Variants in CDKN2B-AS1 observed in about 807,000 individuals in gnomAD.
The protein encoded by CDKN2B-AS1 is CDKN2B antisense RNA 1 (non-protein coding).
chr9:22,127,656 GC>G (rs1818037751), exon 5 of CDKN2B-AS1, among the ~76,000 whole-genome samples: 1 of 152,132 alleles, frequency 6.6e-6, no homozygotes. Context: ...TAAAAGGAAG[GC>G]AGGGATGAGA....
intron 4 of CDKN2B-AS1, among the ~76,000 whole-genome samples, chr9:22,058,083 AC>A (rs1823648642): frequency 1.3e-5 from 2 of 150,380 alleles, no homozygotes; most frequent in South Asian, 4.3e-4. Flanking sequence ...AATCCCAGCT[AC>A]TGGGGAGGCT....
At chr9:22,125,436 C>T (rs907030256) in intron 4 of CDKN2B-AS1, among the ~76,000 whole-genome samples, 9 of 152,184 alleles carry the variant, frequency 5.9e-5, no homozygotes, top group African/African-American at 2.2e-4. Flanking sequence ...CTTAGGCTAT[C>T]ATTTCATTCC....
At chr9:22,096,323 A>T (rs1308030013) in intron 4 of CDKN2B-AS1, 1 of 152,200 alleles carries the variant, frequency 6.6e-6, no homozygotes, top group Non-Finnish European at 1.5e-5. Flanking sequence ...GATGAATGAG[A>T]TTGGACACCA....
intron 4 of CDKN2B-AS1, among the ~76,000 whole-genome samples, chr9:22,123,633 G>C (rs1397354215): frequency 6.6e-6 from 1 of 151,470 alleles, no homozygotes. Flanking sequence ...TGAATGAGAA[G>C]ATGGATTAAA....
chr9:22,068,267 A>G (rs1824144516), intron 4 of CDKN2B-AS1, among the ~76,000 whole-genome samples: 1 of 152,236 alleles, frequency 6.6e-6, no homozygotes, highest in Admixed American at 6.5e-5. Context: ...CTGGACCTCA[A>G]GGACTTTACA....
intron 1 of CDKN2B-AS1, chr9:22,012,155 A>G (rs1303049244): frequency 8.6e-6 from 11 of 1,282,198 alleles, no homozygotes; most frequent in Non-Finnish European, 1.2e-5. Context: ...AGACACAGAG[A>G]TGCAGATCTT....
At chr9:22,118,741 G>T (rs1826023470) in intron 4 of CDKN2B-AS1, 1 of 152,190 alleles carries the variant, frequency 6.6e-6, no homozygotes, top group Non-Finnish European at 1.5e-5. Context: ...AGCAATTCCA[G>T]TGCAAGTATG....
intron 3 of CDKN2B-AS1, chr9:22,056,247 T>TTTTC (rs397743274): frequency 7.5e-6 from 1 of 132,688 alleles, no homozygotes; most frequent in Non-Finnish European, 1.6e-5. Flanking sequence ...TTTTTTTTTT[T>TTTTC]CCAGTAGAGA....
intron 1 of CDKN2B-AS1, among the ~76,000 whole-genome samples, chr9:22,011,014 G>A (rs114349972): frequency 0.013 from 1,927 of 152,312 alleles, 42 homozygotes; most frequent in African/African-American, 0.043. Context: ...CTTGCACGAG[G>A]CAGATGTGTG....
chr9:22,030,104 CAT>C (rs1300046560), intron 1 of CDKN2B-AS1: 5 of 152,232 alleles, frequency 3.3e-5, no homozygotes, highest in Non-Finnish European at 7.3e-5. Flanking sequence ...TCAAAACTCA[CAT>C]GTCATACTGA....
chr9:22,038,343 A>G (rs1321808110), intron 1 of CDKN2B-AS1, among the ~76,000 whole-genome samples: 3 of 151,912 alleles, frequency 2.0e-5, no homozygotes, highest in Non-Finnish European at 4.4e-5. Context: ...TAATTTATTT[A>G]ATTATTTACT....
intron 3 of CDKN2B-AS1, among the ~76,000 whole-genome samples, chr9:22,053,233 T>A (rs1412343804): frequency 6.6e-6 from 1 of 152,188 alleles, no homozygotes; most frequent in Non-Finnish European, 1.5e-5. Flanking sequence ...GAATGTATAT[T>A]CTTTATCACT....
chr9:22,121,106 T>C (rs1419347548), intron 4 of CDKN2B-AS1: 1 of 152,132 alleles, frequency 6.6e-6, no homozygotes, highest in Non-Finnish European at 1.5e-5. Context: ...AACAGCTCTC[T>C]TTTCATGTTA....
chr9:22,095,911 C>T (rs980572271), intron 4 of CDKN2B-AS1, among the ~76,000 whole-genome samples: 43 of 151,588 alleles, frequency 2.8e-4, no homozygotes, highest in Non-Finnish European at 5.3e-4. Flanking sequence ...ATTGCAACCC[C>T]TGCCTTTTTT....
chr9:22,004,041 T>C (rs1443272771), intron 1 of CDKN2B-AS1: 1 of 232,662 alleles, frequency 4.3e-6, no homozygotes, highest in Admixed American at 5.6e-5. Flanking sequence ...GGCAAGTTAC[T>C]TGATATTTCT....
intron 2 of CDKN2B-AS1, among the ~76,000 whole-genome samples, chr9:22,048,557 C>G (rs897646958): frequency 6.6e-6 from 1 of 152,146 alleles, no homozygotes; most frequent in Non-Finnish European, 1.5e-5. Context: ...ATAGTTCATT[C>G]TCAGGTCTTT....
chr9:22,062,121 C>T (rs1823845686), intron 4 of CDKN2B-AS1: 1 of 152,174 alleles, frequency 6.6e-6, no homozygotes, highest in Admixed American at 6.5e-5. Flanking sequence ...ACAGGTGGAA[C>T]TGGGCCAGTG....
chr9:22,102,413 A>T (rs1235108399), intron 4 of CDKN2B-AS1, among the ~76,000 whole-genome samples: 1 of 152,170 alleles, frequency 6.6e-6, no homozygotes, highest in Non-Finnish European at 1.5e-5. Context: ...AACAACAGAA[A>T]TGTATTTACA....
chr9:22,016,635 A>G (rs1038774039), intron 1 of CDKN2B-AS1, among the ~76,000 whole-genome samples: 4 of 152,158 alleles, frequency 2.6e-5, no homozygotes, highest in Non-Finnish European at 5.9e-5. Flanking sequence ...GCCCTCAGAA[A>G]TAACACCGCA....
Sources: gnomAD v4.1 joint callset for allele counts (sites outside exome capture counted in the v4.1 genomes callset) on GRCh38, gnomAD v4.1.1 for gene constraint, MANE v1.5 for transcripts, NCBI Gene and HGNC (gene_info 2026-07-23, HGNC 2026-07-21) for gene names.